The following CDKAL1 variants were observed in gnomAD, a reference collection of about 807,000 sequenced individuals.
CDKAL1 encodes the protein CDKAL1 threonylcarbamoyladenosine tRNA methylthiotransferase.
A neutral mutation model predicts 68.2 loss-of-function variants in CDKAL1; 32 were observed. That is an observed-to-expected ratio of 0.47 (90% CI 0.35 to 0.63). CDKAL1 has a LOEUF of 0.63. Ranked by LOEUF, CDKAL1 falls within the 30% of genes least tolerant of loss-of-function variation. CDKAL1 has a pLI of 0.00. For synonymous variants in CDKAL1, 234 were observed against 244.3 expected, an observed-to-expected ratio of 0.96 and a Z score of 0.39; for missense variants, 606 against 696.7, an observed-to-expected ratio of 0.87 and a Z score of 1.47.
chr6:20,676,798 G>A (rs941329622), intron 5 of CDKAL1, among the ~76,000 whole-genome samples: 3 of 152,074 alleles, frequency 2.0e-5, no homozygotes, highest in Admixed American at 6.5e-5. Flanking sequence ...ACAGCATCTA[G>A]TGTAGTAACA....
At chr6:20,894,707 C>T (rs1041181978) in intron 9 of CDKAL1, among the ~76,000 whole-genome samples, 3 of 152,062 alleles carry the variant, frequency 2.0e-5, no homozygotes, top group Non-Finnish European at 4.4e-5. Context: ...TAGTTTTTTA[C>T]AAAAATAACA....
chr6:20,917,658 C>T (rs1439270202), intron 9 of CDKAL1, among the ~76,000 whole-genome samples: 1 of 152,144 alleles, frequency 6.6e-6, no homozygotes, highest in Non-Finnish European at 1.5e-5. Flanking sequence ...CCCATCCCAC[C>T]CTTTCCCCTG....
At chr6:20,704,662 C>T (rs943059604) in intron 5 of CDKAL1, among the ~76,000 whole-genome samples, 7 of 152,076 alleles carry the variant, frequency 4.6e-5, no homozygotes, top group Non-Finnish European at 1.0e-4. Flanking sequence ...GAGGTGACAG[C>T]AGTATAAAAC....
rs1006347040 is a variant in CDKAL1, at chr6:20,554,662, A to G, written c.286+5957A>G. Among the ~76,000 whole-genome samples the G allele has an allele frequency of 7.9e-5, 12 of 152,320 alleles. No individual in the cohort carries two copies. The South Asian group carries it at 1.9e-3, about 24-fold the overall frequency. On this transcript the variant is annotated intron_variant, in intron 4 of 15. Coordinates refer to ENST00000274695, the MANE Select transcript of CDKAL1 (RefSeq NM_017774.3). ...TTTTTGGTCTCTTCAGAACCTCACA[A>G]TCCTTACACAATTTTGTTAAGGAAT...
Position 20,801,016 on chromosome 6 carries a change from C to T in CDKAL1, c.638+19751C>T, listed in dbSNP as rs151157168. Among the ~76,000 whole-genome samples, 46 of 152,340 alleles carry T rather than the reference C, an allele frequency of 3.0e-4. 1 individual carries two copies. The East Asian group carries it at 5.8e-3, about 19-fold the overall frequency. ...CACTGCAGGCTTAACCTGCCAGGCT[C>T]AAGCAGTCCTCCTATCTGAGCCTAC... On this transcript the variant is annotated intron_variant, in intron 8 of 15. Coordinates refer to ENST00000274695, the MANE Select transcript of CDKAL1 (RefSeq NM_017774.3).
chr6:20,938,548 C>CT (rs1362264275), intron 9 of CDKAL1, among the ~76,000 whole-genome samples: 7 of 152,030 alleles, frequency 4.6e-5, no homozygotes, highest in Admixed American at 2.6e-4. Context: ...TAAAATTCTC[C>CT]TTTTTTTCCT....
chr6:20,642,288 T>C (rs1173286037), intron 4 of CDKAL1, among the ~76,000 whole-genome samples: 1 of 151,934 alleles, frequency 6.6e-6, no homozygotes. Flanking sequence ...AATAAAAAAG[T>C]ATGAAGAAAC....
intron 4 of CDKAL1, among the ~76,000 whole-genome samples, chr6:20,618,165 C>A (rs2127729892): frequency 6.6e-6 from 1 of 152,260 alleles, no homozygotes; most frequent in Admixed American, 6.5e-5. Flanking sequence ...CTCTGATGGC[C>A]AGTGATGATG....
intron 4 of CDKAL1, among the ~76,000 whole-genome samples, chr6:20,565,116 T>C (rs752569902): frequency 2.9e-4 from 44 of 151,978 alleles, no homozygotes; most frequent in African/African-American, 8.7e-4. Flanking sequence ...AAGTAGGATA[T>C]TTTTTTATCC....
intron 4 of CDKAL1, among the ~76,000 whole-genome samples, chr6:20,580,819 C>T (rs1056058703): frequency 1.3e-5 from 2 of 150,990 alleles, no homozygotes; most frequent in African/African-American, 4.9e-5. Context: ...GATGGAGTTT[C>T]GCTTTTGTTG....
chr6:21,015,699 G>C (rs1349347459), intron 11 of CDKAL1, among the ~76,000 whole-genome samples: 1 of 152,104 alleles, frequency 6.6e-6, no homozygotes, highest in South Asian at 2.1e-4. Flanking sequence ...TGCTGAGGCA[G>C]GTGGATCACT....
chr6:20,608,298 TTATCTA>T (rs998106301), intron 4 of CDKAL1, among the ~76,000 whole-genome samples: 5 of 152,164 alleles, frequency 3.3e-5, no homozygotes, highest in Admixed American at 2.6e-4. Context: ...AGTACACAAG[TTATCTA>T]TATATAGTTT....
intron 5 of CDKAL1, among the ~76,000 whole-genome samples, chr6:20,678,507 G>C (rs1770227890): frequency 6.6e-6 from 1 of 152,156 alleles, no homozygotes; most frequent in Admixed American, 6.5e-5. Context: ...TTTACAGTCA[G>C]TAAGGCTTCA....
chr6:21,114,705 C>G (rs1774316957), intron 13 of CDKAL1, among the ~76,000 whole-genome samples: 1 of 151,956 alleles, frequency 6.6e-6, no homozygotes, highest in African/African-American at 2.4e-5. Context: ...CACCACTGCA[C>G]TCTAGCCTCA....
chr6:20,539,514 A>G lies in CDKAL1; in HGVS notation c.-6+4120A>G, dbSNP rs533640002. The stretch of plus-strand genomic sequence containing the variant: ...GTGGTGAGGTGGGGGTGTTGGTTGG[A>G]AAGTCCTCTCTTGTTACACTTGAGC... On this transcript the variant is annotated intron_variant, in intron 2 of 15. Transcript: ENST00000274695. The surrounding 1 kb of genome is among the most constrained non-coding windows in gnomAD (Gnocchi z 4.3). 5.1e-4 allele frequency among the ~76,000 whole-genome samples: 77 copies of G among 152,176 alleles called. No individual in the cohort carries two copies. Among genetic ancestry groups the G allele is most frequent in the Admixed American group, 1.8e-3 (28 of 15,258 alleles).
intron 8 of CDKAL1, among the ~76,000 whole-genome samples, chr6:20,841,881 T>C (rs1405520126): frequency 6.6e-6 from 1 of 152,240 alleles, no homozygotes; most frequent in Non-Finnish European, 1.5e-5. Flanking sequence ...GTGCAAAGAT[T>C]AGTAGGTATT....
intron 5 of CDKAL1, among the ~76,000 whole-genome samples, chr6:20,681,464 A>G (rs556512706): frequency 6.6e-6 from 1 of 152,218 alleles, no homozygotes; most frequent in South Asian, 2.1e-4. Flanking sequence ...TGTACCAGGT[A>G]TTGTGTTAGG....
rs563191680 is a variant in CDKAL1 at position 20,539,211 on chromosome 6, G to A, written c.-6+3817G>A. Reference sequence around the variant, plus strand: ...AGGAATAGCAATTATGAAGGCTCCCGAGTCAGAAACTAATTTGGCATACTC... The same window carrying A: ...AGGAATAGCAATTATGAAGGCTCCCAAGTCAGAAACTAATTTGGCATACTC... On this transcript the variant is annotated intron_variant, in intron 2 of 15. Coordinates refer to ENST00000274695, the MANE Select transcript of CDKAL1 (RefSeq NM_017774.3). This position sits in a 1 kb window ranked among gnomAD's most constrained non-coding sequence, Gnocchi z 4.3. 2.6e-5 allele frequency among the ~76,000 whole-genome samples: 4 copies of A among 152,152 alleles called. No individual in the cohort carries two copies. Among genetic ancestry groups the A allele is most frequent in the Non-Finnish European group, 5.9e-5 (4 of 68,026 alleles).
chr6:21,069,230 T>A (rs186063376), intron 12 of CDKAL1, among the ~76,000 whole-genome samples: 3 of 152,308 alleles, frequency 2.0e-5, no homozygotes, highest in Admixed American at 2.0e-4. Context: ...CTTTCTCTTC[T>A]TCCCAAGCTC....
Sources: allele counts gnomAD v4.1 joint callset (sites outside exome capture counted in the v4.1 genomes callset), GRCh38; gene constraint gnomAD v4.1.1; non-coding constraint Gnocchi (gnomAD v3.1); transcripts MANE v1.5; gene names NCBI Gene and HGNC (gene_info 2026-07-23, HGNC 2026-07-21).